The following NUP107 variants were observed in gnomAD, a reference collection of about 807,000 sequenced individuals.
The protein encoded by NUP107 is nuclear pore complex protein Nup107.
NUP107 carries 101 observed loss-of-function variants against 141.0 expected under a neutral mutation model. That is an observed-to-expected ratio of 0.72 (90% CI 0.61 to 0.84). The LOEUF (loss-of-function observed/expected upper bound fraction) is 0.84, where lower values mean the gene tolerates loss of function less well. Ranked by LOEUF, NUP107 falls within the 40% of genes least tolerant of loss-of-function variation. The pLI is 0.00. For synonymous variants in NUP107, 319 were observed against 363.9 expected (o/e 0.88, Z 1.41); for missense variants, 941 against 1,102.7 (o/e 0.85, Z 2.08).
intron 23 of NUP107, 122 bp downstream of exon 23, chr12:68,732,861 T>C: frequency 1.8e-6 from 1 of 548,228 alleles, no homozygotes; most frequent in Non-Finnish European, 3.1e-6. Flanking sequence ...TAAAAAATTT[T>C]TTCTAGAGAT....
At chr12:68,723,179 C>G (rs1355882475) in intron 17 of NUP107, among the ~76,000 whole-genome samples, 1 of 151,966 alleles carries the variant, frequency 6.6e-6, no homozygotes, top group Non-Finnish European at 1.5e-5. Flanking sequence ...TTTAGACCAG[C>G]CTGGGCAGCA....
intron 8 of NUP107, chr12:68,706,986 C>T: frequency 1.6e-6 from 1 of 634,072 alleles, no homozygotes; most frequent in East Asian, 2.7e-5. Context: ...TTCAGCTGCA[C>T]CAGCTCCACC....
rs768836547 is a variant in NUP107, at chr12:68,731,686, C to T, written c.1965C>T (p.Asp655=). ...KKDNGEFSHH[D]LAPALDTGTT... ...ATAATGGTGAATTTAGTCATCATGA[C>T]CTGGCCCCAGCCCTAGATACTGGCA... Residue 655 remains aspartate (D), a synonymous_variant, in exon 22 of 28, where the codon GAC becomes GAT. Coordinates refer to ENST00000229179, the MANE Select transcript of NUP107 (RefSeq NM_020401.4). The T allele has an allele frequency of 3.8e-6, 6 of 1,584,082 alleles. No homozygotes were observed. The East Asian group carries it at 1.4e-4, about 37-fold the overall frequency.
chr12:68,735,392 G>A, intron 26 of NUP107, 48 bp downstream of exon 26: 5 of 1,298,418 alleles, frequency 3.9e-6, no homozygotes, highest in Non-Finnish European at 5.6e-6. Context: ...CACTCACCAT[G>A]TTCTTTTTTA....
rs1878438801 is a variant in NUP107 at position 68,744,431 on chromosome 12, G to C, written c.*1969G>C. ...GACATGGTCTTGCTCTGTCTCCCAG[G>C]CCGGAGTGCAGTGGCATGATATCTC... is the stretch of plus-strand genomic sequence containing the variant. On this transcript the variant is annotated 3_prime_UTR_variant, in exon 28 of 28. Transcript: ENST00000229179. The C allele has an allele frequency of 6.6e-6, 1 of 151,948 alleles. No homozygotes were observed. The highest frequency in any genetic ancestry group is 2.1e-4 in the South Asian group (1 of 4,810). 9.4% of individuals were successfully genotyped at this position (151,948 alleles called of 1,614,324 possible). A position where few individuals can be genotyped will look rare whatever the true frequency, so the allele number is the denominator to read the frequency against.
chr12:68,732,067 G>A (rs946353411), intron 22 of NUP107, among the ~76,000 whole-genome samples: 2 of 152,122 alleles, frequency 1.3e-5, no homozygotes, highest in African/African-American at 2.4e-5. Flanking sequence ...AACATTTAAA[G>A]GAATCACGTG....
rs138928078 is a variant in NUP107, at chr12:68,719,342, C to T, written c.1085C>T (p.Ala362Val). Residue 362 changes from alanine (A) to valine (V), a missense_variant and splice_region_variant, in exon 13 of 28, where the codon GCA (alanine) becomes GTA (valine). By Grantham distance (64) the Ala-to-Val change is moderately conservative (BLOSUM62 0). Transcript: ENST00000229179. ...TLIRAGMTEE[A>V]QRLCKRCGQA... is the part of the protein sequence containing the mutation. ...GACTGCTCTTTCTTGTTTTCTAAGG[C>T]ACAACGACTCTGTAAACGCTGTGGT... is the stretch of plus-strand genomic sequence containing the variant. 8.9e-5 allele frequency: 144 copies of T among 1,613,608 alleles called. 1 individual carries two copies. In the East Asian group the frequency reaches 2.4e-3, roughly 26 times the overall value.
chr12:68,743,788 G>A lies in NUP107; in HGVS notation c.*1326G>A, dbSNP rs996149826. 3.9e-5 allele frequency: 6 copies of A among 152,200 alleles called. No homozygotes were observed. The highest frequency in any genetic ancestry group is 1.4e-4 in the African/African-American group (6 of 41,438). 9.4% of individuals were successfully genotyped at this position (152,200 alleles called of 1,614,324 possible). ...TTGGGAAGCCTGAGATGGGATCATA[G>A]AATTTGATCAGTTCTATATTATGTG... On this transcript the variant is annotated 3_prime_UTR_variant, in exon 28 of 28. Coordinates refer to ENST00000229179, the MANE Select transcript of NUP107 (RefSeq NM_020401.4).
Position 68,706,918 on chromosome 12 carries a change from C to G in NUP107, c.730-2320C>G, listed in dbSNP as rs577995223. Reference sequence around the variant, plus strand: ...GCTCGGCCTATGGGGGCCTCATAAGCCCTGGCCTCAGCTACAGCCTGGACT... The same window carrying G: ...GCTCGGCCTATGGGGGCCTCATAAGGCCTGGCCTCAGCTACAGCCTGGACT... On this transcript the variant is annotated intron_variant, in intron 8 of 27. Transcript: ENST00000229179. 8 of 717,390 alleles carry G rather than the reference C, an allele frequency of 1.1e-5. No homozygotes were observed. The African/African-American group carries it at 1.4e-4, about 12-fold the overall frequency. The allele number at this position is 717,390 out of a possible 1,614,324, so 44.4% of individuals were successfully genotyped here. A position where few individuals can be genotyped will look rare whatever the true frequency, so the allele number is the denominator to read the frequency against.
intron 1 of NUP107, 198 bp downstream of exon 1, chr12:68,687,271 C>A: frequency 1.4e-6 from 1 of 740,368 alleles, no homozygotes. Flanking sequence ...GGGTACAGAT[C>A]ATAATAGTCC....
At chr12:68,707,047 G>C in intron 8 of NUP107, 1 of 593,488 alleles carries the variant, frequency 1.7e-6, no homozygotes, top group Non-Finnish European at 3.0e-6. Context: ...TAGTGTCTGA[G>C]TCGTCTGATG....
At chr12:68,702,429 T>A (rs1184907522) in intron 7 of NUP107, among the ~76,000 whole-genome samples, 1 of 152,002 alleles carries the variant, frequency 6.6e-6, no homozygotes, top group Non-Finnish European at 1.5e-5. Context: ...CCTGCCTAAC[T>A]TTTTTTATTT....
intron 26 of NUP107, among the ~76,000 whole-genome samples, chr12:68,741,404 T>C (rs951591873): frequency 1.3e-5 from 2 of 152,222 alleles, no homozygotes; most frequent in Non-Finnish European, 2.9e-5. Context: ...TGACCCTCCC[T>C]GTGTGCCCCT....
At chr12:68,715,284 A>G (rs535837262) in intron 11 of NUP107, among the ~76,000 whole-genome samples, 65 of 152,326 alleles carry the variant, frequency 4.3e-4, no homozygotes, top group African/African-American at 1.5e-3. Context: ...TCATGAGGTC[A>G]GGAGTTCGAG....
At position 68,722,085 on chromosome 12, in the gene NUP107, C is replaced by T. The variant is rs1231632475; in HGVS notation, c.1458-19C>T. The T allele has an allele frequency of 6.2e-7, 1 of 1,612,018 alleles. No individual in the cohort carries two copies. The highest frequency in any genetic ancestry group is 1.1e-5 in the South Asian group (1 of 90,578). On this transcript the variant is annotated intron_variant, in intron 16 of 27. Transcript: ENST00000229179. ...TTCATATTATTAACATTATTCTTTT[C>T]CCGTTGTTTCTTTTGAAGCTGGACG...
rs896830215 is a variant in NUP107 at position 68,696,859 on chromosome 12, G to A, written c.489G>A (p.Leu163=). ...SMFSDFLQSF[L]KHSSSTVFDL... ...TTTCTGATTTCCTGCAGTCTTTTCT[G>A]AAGCACTCTTCGAGTACAGTTTTTG... Residue 163 remains leucine, a synonymous_variant, in exon 6 of 28, where the codon CTG becomes CTA. Coordinates refer to ENST00000229179, the MANE Select transcript of NUP107 (RefSeq NM_020401.4). 3 of 1,599,966 alleles carry A rather than the reference G, an allele frequency of 1.9e-6. No homozygotes were observed. The highest frequency in any genetic ancestry group is 1.7e-5 in the Admixed American group (1 of 58,814).
At chr12:68,714,047 C>A in intron 11 of NUP107, 4 of 427,776 alleles carry the variant, frequency 9.4e-6, no homozygotes, top group Non-Finnish European at 1.6e-5. Context: ...GCATTAAAAA[C>A]AAATTAATTT....
chr12:68,696,566 A>G (rs1481956239), intron 5 of NUP107, among the ~76,000 whole-genome samples: 1 of 149,410 alleles, frequency 6.7e-6, no homozygotes, highest in Non-Finnish European at 1.5e-5. Flanking sequence ...TACAAAAATT[A>G]GCTGGGCATG....
chr12:68,739,993 G>A (rs906010032), intron 26 of NUP107: 1 of 152,066 alleles, frequency 6.6e-6, no homozygotes, highest in African/African-American at 2.4e-5. Context: ...CAATTTGCTG[G>A]GTCTGTCAGC....
Sources: allele counts gnomAD v4.1 joint callset (sites outside exome capture counted in the v4.1 genomes callset), GRCh38; gene constraint gnomAD v4.1.1; transcripts MANE v1.5; gene names NCBI Gene and HGNC (gene_info 2026-07-23, HGNC 2026-07-21).